The following DLG5 variants were observed in gnomAD, a reference collection of about 807,000 sequenced individuals.
DLG5 encodes the protein disks large homolog 5.
DLG5 carries 48 observed loss-of-function variants against 189.8 expected under a neutral mutation model. The ratio of observed to expected loss-of-function variants is 0.25; its 90% CI spans 0.20 to 0.32. The LOEUF is 0.32. Among genes scored for constraint, DLG5 ranks in the 10% least tolerant of loss-of-function variants. The probability of loss-of-function intolerance (pLI) is 1.00; values close to 1 mark genes in which losing one functional copy is unlikely to be tolerated. For synonymous variants in DLG5, 1,016 were observed against 1,054.1 expected, an observed-to-expected ratio of 0.96 and a Z score of 0.70; for missense variants, 2,160 against 2,544.7, an observed-to-expected ratio of 0.85 and a Z score of 3.25.
At chr10:77,894,001 C>T (rs921159464) in intron 1 of DLG5, among the ~76,000 whole-genome samples, 1 of 152,218 alleles carries the variant, frequency 6.6e-6, no homozygotes, top group Non-Finnish European at 1.5e-5. Flanking sequence ...AACCTCCGTT[C>T]CCAAACTCCA....
At chr10:77,879,904 A>G (rs1474163291) in intron 1 of DLG5, among the ~76,000 whole-genome samples, 1 of 150,986 alleles carries the variant, frequency 6.6e-6, no homozygotes, top group Non-Finnish European at 1.5e-5. Context: ...AGGCAGGCAG[A>G]TGGATGTACA....
chr10:77,826,349 CT>C (rs780158940), intron 13 of DLG5, among the ~76,000 whole-genome samples: 1 of 152,344 alleles, frequency 6.6e-6, no homozygotes, highest in Non-Finnish European at 1.5e-5. Context: ...TGAATGTGGG[CT>C]GGGCATGGTG....
At chr10:77,902,912 A>G (rs1845972137) in intron 1 of DLG5, among the ~76,000 whole-genome samples, 1 of 151,778 alleles carries the variant, frequency 6.6e-6, no homozygotes, top group Non-Finnish European at 1.5e-5. Context: ...TAAACGAGCC[A>G]TTGAGCATCC....
At chr10:77,870,421 A>G (rs1164407633) in intron 1 of DLG5, among the ~76,000 whole-genome samples, 1 of 152,166 alleles carries the variant, frequency 6.6e-6, no homozygotes, top group Non-Finnish European at 1.5e-5. Flanking sequence ...GGTGGCTCAC[A>G]CCTATAATCC....
intron 1 of DLG5, among the ~76,000 whole-genome samples, chr10:77,876,856 C>T (rs993396780): frequency 3.6e-4 from 54 of 149,164 alleles, no homozygotes; most frequent in Non-Finnish European, 4.0e-4. Context: ...TGATGGCTGC[C>T]GAGCTCTCTG....
chr10:77,876,928 T>C (rs1017268665), intron 1 of DLG5, among the ~76,000 whole-genome samples: 1 of 151,222 alleles, frequency 6.6e-6, no homozygotes, highest in African/African-American at 2.4e-5. Context: ...GGGTCTCTCT[T>C]TGTTGCCCAG....
Position 77,811,135 on chromosome 10 carries a change from G to A in DLG5, c.4422C>T (p.Asp1474=), listed in dbSNP as rs537115951. 160 of 1,612,684 alleles carry A rather than the reference G, an allele frequency of 9.9e-5. No homozygotes were observed. The highest frequency in any genetic ancestry group is 7.4e-4 in the East Asian group (33 of 44,850). Residue 1474 remains aspartate, a synonymous_variant, in exon 23 of 32, where the codon GAC becomes GAT. Transcript: ENST00000372391. The stretch of plus-strand genomic sequence containing the variant: ...TGGCTGGGGGGGTGCTAGGCCCCTC[G>A]TCCTGCTCCATCAGTGGGTCGATGA... ...PSVIDPLMEQ[D]EGPSTPPAKQ... is the part of the protein sequence containing the mutation.
chr10:77,792,827 T>C, intron 31 of DLG5: 1 of 441,254 alleles, frequency 2.3e-6, no homozygotes. Context: ...AGAAGGAAGT[T>C]TGGAGGACAT....
rs1314625222 is a variant in DLG5, at chr10:77,822,081, C to T, written c.2403G>A (p.Ser801=). Residue 801 remains serine (S), a synonymous_variant, in exon 15 of 32, where the codon TCG becomes TCA. Transcript: ENST00000372391. ...TTTCAAAAATGTTCTGGCCACTCCACGAGGAGCTCTGAGGGAATACCTAGG... is the reference window on the plus strand; with the variant it reads ...TTTCAAAAATGTTCTGGCCACTCCATGAGGAGCTCTGAGGGAATACCTAGG... ...SLLKVFPQSS[S]WSGQNIFENI... 1.2e-5 allele frequency: 19 copies of T among 1,613,258 alleles called. No homozygotes were observed. In the Middle Eastern group the frequency reaches 4.9e-4, roughly 42 times the overall value.
At chr10:77,808,485 C>T (rs772435399) in intron 24 of DLG5, among the ~76,000 whole-genome samples, 15 of 152,162 alleles carry the variant, frequency 9.9e-5, no homozygotes, top group Non-Finnish European at 1.9e-4. Flanking sequence ...TTGCCCAGGC[C>T]GGTCTTGAAC....
At chr10:77,882,805 G>A (rs531966251) in intron 1 of DLG5, among the ~76,000 whole-genome samples, 4 of 150,980 alleles carry the variant, frequency 2.6e-5, no homozygotes, top group South Asian at 4.2e-4. Context: ...CGTCTGTAAT[G>A]CCAGCTACTC....
intron 5 of DLG5, chr10:77,846,607 G>A (rs1843706750): frequency 2.3e-6 from 1 of 429,634 alleles, no homozygotes; most frequent in South Asian, 1.7e-5. Context: ...TGAGGCAGGA[G>A]AATTACTTGA....
At chr10:77,888,890 TGAA>T (rs1433434042) in intron 1 of DLG5, among the ~76,000 whole-genome samples, 4 of 152,192 alleles carry the variant, frequency 2.6e-5, no homozygotes, top group East Asian at 1.9e-4. Flanking sequence ...TCAAGATAAC[TGAA>T]GAAGAACTGC....
intron 17 of DLG5, among the ~76,000 whole-genome samples, chr10:77,818,965 T>C (rs1568143758): frequency 6.6e-6 from 1 of 152,204 alleles, no homozygotes; most frequent in African/African-American, 2.4e-5. Flanking sequence ...CACCCTCTTA[T>C]GAAGTACCAG....
intron 25 of DLG5, among the ~76,000 whole-genome samples, chr10:77,807,148 C>T (rs1231905421): frequency 2.0e-5 from 3 of 152,182 alleles, no homozygotes; most frequent in Admixed American, 6.5e-5. Context: ...GAGGGCGCAT[C>T]CCCATCAAAG....
intron 1 of DLG5, among the ~76,000 whole-genome samples, chr10:77,897,771 T>A (rs1781827): frequency 0.18 from 27,465 of 151,408 alleles, 2,778 homozygotes; most frequent in Admixed American, 0.25. Flanking sequence ...AAAAGATCTA[T>A]CATATAATTT....
chr10:77,885,070 A>G (rs1442860396), intron 1 of DLG5, among the ~76,000 whole-genome samples: 1 of 152,114 alleles, frequency 6.6e-6, no homozygotes, highest in Non-Finnish European at 1.5e-5. Context: ...TCAGGCTGTC[A>G]CCTCCTATCC....
At chr10:77,831,121 C>G (rs1449980664) in intron 9 of DLG5, among the ~76,000 whole-genome samples, 2 of 152,122 alleles carry the variant, frequency 1.3e-5, no homozygotes, top group African/African-American at 2.4e-5. Flanking sequence ...AATCAAAATG[C>G]CAGCTGGGCA....
rs182388394 is a variant in DLG5 at position 77,873,582 on chromosome 10, C to T, written c.305-4385G>A. Among the ~76,000 whole-genome samples, 92 of 152,248 alleles carry T rather than the reference C, an allele frequency of 6.0e-4. 1 individual carries two copies. Among genetic ancestry groups the T allele is most frequent in the African/African-American group, 2.1e-3 (87 of 41,560 alleles). ...ACCACCCGAACAATAATGGAATGCC[C>T]CAGCCCTCCCAGGCCCCCTCCCATA... On this transcript the variant is annotated intron_variant, in intron 1 of 31. Transcript: ENST00000372391.
Sources: allele counts gnomAD v4.1 joint callset (sites outside exome capture counted in the v4.1 genomes callset), GRCh38; gene constraint gnomAD v4.1.1; transcripts MANE v1.5; gene names NCBI Gene and HGNC (gene_info 2026-07-23, HGNC 2026-07-21).